Variants in PROSER2 observed in about 807,000 individuals in gnomAD.
The protein encoded by PROSER2 is proline and serine rich 2, also known as proline and serine-rich protein 2.
PROSER2 carries 18 observed loss-of-function variants against 14.6 expected under a neutral mutation model. The ratio of observed to expected loss-of-function variants is 1.23; its 90% confidence interval spans 0.85 to 1.83. The LOEUF (loss-of-function observed/expected upper bound fraction) is 1.83, where lower values mean the gene tolerates loss of function less well. Among genes scored for constraint, PROSER2 ranks in the 40% most tolerant of loss-of-function variants. The probability of loss-of-function intolerance (pLI) is 0.00; values close to 1 mark genes in which losing one functional copy is unlikely to be tolerated. For missense variants in PROSER2, 823 were observed against 629.8 expected (o/e 1.31, Z -3.28); for synonymous variants, 367 against 286.4 (o/e 1.28, Z -2.84).
At chr10:11,833,984 CTTTTTTTTTT>C (rs35005102) in intron 1 of PROSER2, among the ~76,000 whole-genome samples, 5 of 48,228 alleles carry the variant, frequency 1.0e-4, no homozygotes, top group South Asian at 1.4e-3. Context: ...GTAGCTCTTT[CTTTTTTTTTT>C]TTTTTTTTTT....
Position 11,866,558 on chromosome 10 carries a change from C to T in PROSER2, c.166C>T (p.His56Tyr). ...LDDESLKYLTHEEKDVLLFFE... is the reference protein window; with the variant it reads ...LDDESLKYLTYEEKDVLLFFE... ...TGATGAGAGCCTGAAGTACCTCACCCATGAGGAAAAGGATGTGCTCCTGTT... is the reference window on the plus strand; with the variant it reads ...TGATGAGAGCCTGAAGTACCTCACCTATGAGGAAAAGGATGTGCTCCTGTT... Residue 56 changes from histidine to tyrosine, a missense_variant, in exon 3 of 4, where the codon CAT (histidine) becomes TAT (tyrosine). His to Tyr is a moderately conservative substitution (Grantham distance 83). Transcript: ENST00000277570. This position sits in a 1 kb window ranked among gnomAD's most constrained non-coding sequence, Gnocchi z 6.0. The T allele has an allele frequency of 6.2e-7, 1 of 1,614,140 alleles. No individual in the cohort carries two copies. The highest frequency in any genetic ancestry group is 1.1e-5 in the South Asian group (1 of 91,076).
rs1239163722 is a variant in PROSER2, at chr10:11,856,724, C to A, written c.138+4509C>A. ...ACCAGGCAGCCGGCAGCTCCTGAGC[C>A]ACCCTGTTGCTCCAGAGCACTTGAC... On this transcript the variant is annotated intron_variant, in intron 2 of 3. Transcript: ENST00000277570. This position sits in a 1 kb window ranked among gnomAD's most constrained non-coding sequence, Gnocchi z 5.3. Among the ~76,000 whole-genome samples the A allele has an allele frequency of 2.0e-5, 3 of 152,240 alleles. No individual in the cohort carries two copies. Among genetic ancestry groups the A allele is most frequent in the African/African-American group, 7.2e-5 (3 of 41,468 alleles).
chr10:11,860,547 G>A (rs1292744235), intron 2 of PROSER2, among the ~76,000 whole-genome samples: 1 of 152,008 alleles, frequency 6.6e-6, no homozygotes, highest in Admixed American at 6.5e-5. Flanking sequence ...CCCAGGAGGC[G>A]GAGATTGCAG....
Position 11,870,409 on chromosome 10 carries a change from G to T in PROSER2, c.*3G>T. On this transcript the variant is annotated 3_prime_UTR_variant, in exon 4 of 4. Coordinates refer to ENST00000277570, the MANE Select transcript of PROSER2 (RefSeq NM_153256.4). ...GGCTGCTCAGGGAGAGTTCGTGAGG[G>T]CCGCGCGGGCTCCAGTCCACCCCGT... The T allele has an allele frequency of 6.7e-7, 1 of 1,485,012 alleles. No homozygotes were observed. Among genetic ancestry groups the T allele is most frequent in the Non-Finnish European group, 8.9e-7 (1 of 1,120,734 alleles). The allele number at this position is 1,485,012 out of a possible 1,614,324, so 92.0% of individuals were successfully genotyped here. A position where few individuals can be genotyped will look rare whatever the true frequency, so the allele number is the denominator to read the frequency against.
intron 1 of PROSER2, among the ~76,000 whole-genome samples, chr10:11,840,977 T>C (rs1421582559): frequency 9.3e-6 from 1 of 107,928 alleles, no homozygotes; most frequent in Non-Finnish European, 1.8e-5. Flanking sequence ...TATATATATA[T>C]ATATATATAT....
chr10:11,854,748 T>G, intron 2 of PROSER2, among the ~76,000 whole-genome samples: 1 of 152,080 alleles, frequency 6.6e-6, no homozygotes, highest in East Asian at 1.9e-4. Context: ...CCTACTAAAG[T>G]TTTTTAAACA....
At chr10:11,833,213 A>G (rs970010363) in intron 1 of PROSER2, among the ~76,000 whole-genome samples, 3 of 142,264 alleles carry the variant, frequency 2.1e-5, no homozygotes, top group Non-Finnish European at 4.6e-5. Context: ...TTTTGTGACA[A>G]GTATTATACA....
intron 1 of PROSER2, among the ~76,000 whole-genome samples, chr10:11,839,322 G>T (rs905847696): frequency 6.6e-6 from 1 of 152,058 alleles, no homozygotes; most frequent in Non-Finnish European, 1.5e-5. Context: ...AGTAAGAAAG[G>T]CCTAAATTTG....
In PROSER2 at chr10:11,823,763, A is replaced by G. The variant is rs1833573232; in HGVS notation, c.-82+293A>G. ...GAGTCTGGGGCTATCCTGGGGGCTC[A>G]GGGGTGGAGGCGGGTTTCCCAGCCT... On this transcript the variant is annotated intron_variant, in intron 1 of 3. Transcript: ENST00000277570. The surrounding 1 kb of genome is among the most constrained non-coding windows in gnomAD (Gnocchi z 6.2). Among the ~76,000 whole-genome samples the G allele has an allele frequency of 6.6e-6, 1 of 152,140 alleles. No homozygotes were observed. Among genetic ancestry groups the G allele is most frequent in the African/African-American group, 2.4e-5 (1 of 41,446 alleles).
intron 1 of PROSER2, among the ~76,000 whole-genome samples, chr10:11,832,554 A>G (rs1389251617): frequency 6.6e-6 from 1 of 152,208 alleles, no homozygotes; most frequent in African/African-American, 2.4e-5. Flanking sequence ...ATTGGTGTCA[A>G]CTTTTTAATA....
At chr10:11,843,226 C>A (rs1833875288) in intron 1 of PROSER2, among the ~76,000 whole-genome samples, 1 of 149,988 alleles carries the variant, frequency 6.7e-6, no homozygotes, top group East Asian at 2.1e-4. Context: ...AGGTGCGAGC[C>A]ACCGCACCCA....
chr10:11,847,684 G>T (rs1404747064), intron 1 of PROSER2, among the ~76,000 whole-genome samples: 2 of 152,200 alleles, frequency 1.3e-5, no homozygotes, highest in Non-Finnish European at 2.9e-5. Flanking sequence ...CTCCCAAAGT[G>T]CTGGGATTAC....
chr10:11,844,990 T>C (rs1215153179), intron 1 of PROSER2, among the ~76,000 whole-genome samples: 2 of 152,238 alleles, frequency 1.3e-5, no homozygotes. Flanking sequence ...CAGCCCCTTA[T>C]GTGAGACACT....
At chr10:11,857,753 A>AG (rs1407400470) in intron 2 of PROSER2, among the ~76,000 whole-genome samples, 2 of 150,874 alleles carry the variant, frequency 1.3e-5, no homozygotes, top group Admixed American at 6.6e-5. Flanking sequence ...TAAAAAAAAA[A>AG]AAAAAAAAAA....
rs575312010 is a variant in PROSER2, at chr10:11,838,188, C to T, written c.-81-13809C>T. ...TTTTAGAACAATCAGGTCATGCCCC[C>T]GACACACACTCACCCCCCAGACTCA... On this transcript the variant is annotated intron_variant, in intron 1 of 3. Coordinates refer to ENST00000277570, the MANE Select transcript of PROSER2 (RefSeq NM_153256.4). The surrounding 1 kb of genome is among the most constrained non-coding windows in gnomAD (Gnocchi z 4.4). Among the ~76,000 whole-genome samples, 1 of 152,126 alleles carries T rather than the reference C, an allele frequency of 6.6e-6. No homozygotes were observed. Among genetic ancestry groups the T allele is most frequent in the African/African-American group, 2.4e-5 (1 of 41,502 alleles).
intron 2 of PROSER2, among the ~76,000 whole-genome samples, chr10:11,853,733 T>A (rs1221178768): frequency 6.6e-6 from 1 of 152,132 alleles, no homozygotes; most frequent in Non-Finnish European, 1.5e-5. Flanking sequence ...CTCCTTCGTT[T>A]CTCCGTAGAC....
At chr10:11,853,325 C>CTAAGAAG (rs1834064696) in intron 2 of PROSER2, among the ~76,000 whole-genome samples, 1 of 152,130 alleles carries the variant, frequency 6.6e-6, no homozygotes, top group East Asian at 1.9e-4. Flanking sequence ...CAGTGGCTCA[C>CTAAGAAG]GCCTGTAATC....
chr10:11,833,409 G>A (rs546393397), intron 1 of PROSER2, among the ~76,000 whole-genome samples: 25 of 151,576 alleles, frequency 1.6e-4, no homozygotes, highest in East Asian at 5.9e-4. Flanking sequence ...AAGCTTTGCC[G>A]GCTGGGTGTG....
intron 2 of PROSER2, among the ~76,000 whole-genome samples, chr10:11,858,040 T>C (rs962199713): frequency 6.6e-6 from 1 of 152,168 alleles, no homozygotes; most frequent in African/African-American, 2.4e-5. Context: ...GTTCCAGCAA[T>C]TCTCCTGCTT....
Sources: allele counts gnomAD v4.1 joint callset (sites outside exome capture counted in the v4.1 genomes callset), GRCh38; gene constraint gnomAD v4.1.1; non-coding constraint Gnocchi (gnomAD v3.1); transcripts MANE v1.5; gene names NCBI Gene and HGNC (gene_info 2026-07-23, HGNC 2026-07-21).